Variants in TULP4 observed in about 807,000 individuals in gnomAD.
TULP4 encodes the protein TUB like protein 4, also known as tubby-related protein 4.
In TULP4, 16 loss-of-function variants were observed where a neutral mutation model predicts 129.0. The ratio of observed to expected loss-of-function variants is 0.12; its 90% CI spans 0.08 to 0.19. The LOEUF (loss-of-function observed/expected upper bound fraction) is 0.19. Among genes scored for constraint, TULP4 ranks in the 10% least tolerant of loss-of-function variants. TULP4 has a pLI of 1.00. For missense variants in TULP4, 1,842 were observed against 2,059.1 expected (o/e 0.89, Z 2.04); for synonymous variants, 998 against 854.0 (o/e 1.17, Z -2.94).
chr6:158,272,706 T>C (rs1050058824), intron 1 of TULP4, among the ~76,000 whole-genome samples: 1 of 152,160 alleles, frequency 6.6e-6, no homozygotes, highest in South Asian at 2.1e-4. Context: ...GACCCAAGAT[T>C]TGAAGTGAGG....
intron 1 of TULP4, among the ~76,000 whole-genome samples, chr6:158,332,631 G>A (rs1779939048): frequency 6.6e-6 from 1 of 152,128 alleles, no homozygotes; most frequent in South Asian, 2.1e-4. Context: ...TGGTTTCTAT[G>A]TTGAGGAGCT....
intron 2 of TULP4, among the ~76,000 whole-genome samples, chr6:158,414,801 G>T (rs1778171481): frequency 6.6e-6 from 1 of 152,192 alleles, no homozygotes. Flanking sequence ...GGGGAGCAAG[G>T]ATAAATGCCA....
intron 1 of TULP4, among the ~76,000 whole-genome samples, chr6:158,297,248 C>T (rs1003372912): frequency 2.0e-5 from 3 of 152,160 alleles, no homozygotes; most frequent in Non-Finnish European, 2.9e-5. Flanking sequence ...TTTATAGGCT[C>T]TCTGCAAGAA....
At chr6:158,450,518 G>A (rs940203961) in intron 4 of TULP4, among the ~76,000 whole-genome samples, 3 of 152,176 alleles carry the variant, frequency 2.0e-5, no homozygotes, top group Non-Finnish European at 4.4e-5. Context: ...TAATGGTAGT[G>A]TTTTAGGACC....
chr6:158,408,376 C>G (rs1246386443), intron 1 of TULP4, among the ~76,000 whole-genome samples: 1 of 152,078 alleles, frequency 6.6e-6, no homozygotes, highest in African/African-American at 2.4e-5. Flanking sequence ...GATTACCTTT[C>G]AAAACATTTA....
At chr6:158,268,022 CTTTTTCT>C (rs1459306123) in intron 1 of TULP4, among the ~76,000 whole-genome samples, 13 of 126,484 alleles carry the variant, frequency 1.0e-4, no homozygotes, top group African/African-American at 2.8e-5. Flanking sequence ...CTTTTCTTTT[CTTTTTCT>C]TTTTTCTTTT....
At chr6:158,421,979 G>A (rs556788265) in intron 2 of TULP4, among the ~76,000 whole-genome samples, 1 of 152,228 alleles carries the variant, frequency 6.6e-6, no homozygotes, top group Admixed American at 6.5e-5. Context: ...TATGATTAAA[G>A]TGGTGCTGTG....
At chr6:158,404,141 T>C (rs1777919783) in intron 1 of TULP4, among the ~76,000 whole-genome samples, 1 of 152,228 alleles carries the variant, frequency 6.6e-6, no homozygotes, top group Admixed American at 6.5e-5. Flanking sequence ...GGTGAGTTCA[T>C]TGTACTTTTA....
intron 3 of TULP4, among the ~76,000 whole-genome samples, chr6:158,436,146 A>G (rs529785506): frequency 5.1e-4 from 77 of 152,250 alleles, no homozygotes; most frequent in African/African-American, 1.8e-3. Context: ...ACCTCAAGTG[A>G]TCTGCCTGCC....
intron 1 of TULP4, among the ~76,000 whole-genome samples, chr6:158,332,614 G>A (rs574491340): frequency 3.9e-5 from 6 of 152,262 alleles, no homozygotes; most frequent in African/African-American, 1.4e-4. Flanking sequence ...ACAAGTGGCA[G>A]GATCACTGGT....
upstream of TULP4, among the ~76,000 whole-genome samples, chr6:158,277,648 G>C (rs1160978042): frequency 6.6e-6 from 1 of 152,104 alleles, no homozygotes; most frequent in Non-Finnish European, 1.5e-5. Context: ...TAGTTGTCTT[G>C]TTTCTAGTGT....
At chr6:158,324,747 G>A (rs1779710146) in intron 1 of TULP4, among the ~76,000 whole-genome samples, 1 of 152,152 alleles carries the variant, frequency 6.6e-6, no homozygotes, top group African/African-American at 2.4e-5. Context: ...TTGCTGTACA[G>A]TTGGGGAACC....
intron 1 of TULP4, among the ~76,000 whole-genome samples, chr6:158,299,807 G>A (rs147645932): frequency 1.5e-3 from 235 of 152,288 alleles, no homozygotes; most frequent in East Asian, 0.015. Flanking sequence ...GAATAATTTT[G>A]TGTAGCAGGT....
chr6:158,361,172 G>A (rs148105723), intron 1 of TULP4, among the ~76,000 whole-genome samples: 2 of 152,306 alleles, frequency 1.3e-5, no homozygotes, highest in African/African-American at 4.8e-5. Flanking sequence ...TTGCAACAGT[G>A]TACTTCCATC....
chr6:158,480,221 G>T (rs988267463), intron 7 of TULP4, among the ~76,000 whole-genome samples: 1 of 152,246 alleles, frequency 6.6e-6, no homozygotes, highest in African/African-American at 2.4e-5. Context: ...GGACTTCTGT[G>T]TCCCTCTGAT....
At chr6:158,269,283 T>C (rs564470093) in intron 1 of TULP4, among the ~76,000 whole-genome samples, 2 of 151,998 alleles carry the variant, frequency 1.3e-5, no homozygotes, top group Admixed American at 1.3e-4. Context: ...AAAGTATGGG[T>C]CTTGGAGCCA....
upstream of TULP4, among the ~76,000 whole-genome samples, chr6:158,308,311 G>T (rs1259844408): frequency 6.6e-6 from 1 of 151,506 alleles, no homozygotes; most frequent in Admixed American, 6.6e-5. Context: ...AGAGCACAGG[G>T]TTGGGGGTAA....
In TULP4 at chr6:158,427,470, C is replaced by CTTTTTTTTTTTT. The variant is rs1251385882; in HGVS notation, c.382-2266_382-2265insTTTTTTTTTTTT. 4.1e-4 allele frequency among the ~76,000 whole-genome samples: 41 copies of CTTTTTTTTTTTT among 100,684 alleles called. 1 individual carries two copies. Among genetic ancestry groups the CTTTTTTTTTTTT allele is most frequent in the Non-Finnish European group, 6.2e-4 (32 of 51,416 alleles). The allele number at this position is 100,684 out of a possible 152,430, so 66.1% of individuals were successfully genotyped here. ...CAAATTCCTTTTCAAAATTATCAGA[C>CTTTTTTTTTTTT]CTTTTTTTTTTTTTTTTTTTTTTTT... On this transcript the variant is annotated intron_variant, in intron 2 of 13. Coordinates refer to ENST00000367097, the MANE Select transcript of TULP4 (RefSeq NM_020245.5).
At chr6:158,277,828 C>T (rs949171525), upstream of TULP4, among the ~76,000 whole-genome samples, 1 of 152,194 alleles carries the variant, frequency 6.6e-6, no homozygotes, top group African/African-American at 2.4e-5. Flanking sequence ...GTAACAGTCC[C>T]AGGTACCAGA....
Sources: allele counts gnomAD v4.1 joint callset (sites outside exome capture counted in the v4.1 genomes callset), GRCh38; gene constraint gnomAD v4.1.1; transcripts MANE v1.5; gene names NCBI Gene and HGNC (gene_info 2026-07-23, HGNC 2026-07-21).